AGBL4: variants seen among roughly 807,000 people sequenced by gnomAD.
AGBL4 encodes cytosolic carboxypeptidase 6.
A neutral mutation model predicts 66.4 loss-of-function variants in AGBL4; 58 were observed. The observed-to-expected ratio is 0.87, with a 90% confidence interval of 0.71 to 1.09. The LOEUF is 1.09. Ranked by LOEUF, AGBL4 falls within the 50% of genes least tolerant of loss-of-function variation. AGBL4 has a pLI of 0.00. For synonymous variants in AGBL4, 234 were observed against 222.9 expected (o/e 1.05, Z -0.44); for missense variants, 579 against 631.0 (o/e 0.92, Z 0.88).
chr1:49,688,906 A>T (rs1313643085), intron 3 of AGBL4, among the ~76,000 whole-genome samples: 1 of 152,052 alleles, frequency 6.6e-6, no homozygotes, highest in Non-Finnish European at 1.5e-5. Flanking sequence ...ACTTTTGCCC[A>T]TTTTTAAATC....
At chr1:50,019,296 T>C (rs1404971766) in intron 1 of AGBL4, among the ~76,000 whole-genome samples, 2 of 92,700 alleles carry the variant, frequency 2.2e-5, no homozygotes, top group African/African-American at 7.1e-5. Context: ...TCTCTCTCTC[T>C]CTCTCTCTCT....
At chr1:49,707,362 C>G (rs78435169) in intron 2 of AGBL4, among the ~76,000 whole-genome samples, 1 of 142,972 alleles carries the variant, frequency 7.0e-6, no homozygotes, top group Non-Finnish European at 1.5e-5. Context: ...GGATTGCAAC[C>G]CCTGCTTTTT....
intron 6 of AGBL4, among the ~76,000 whole-genome samples, chr1:48,801,799 A>G (rs1167238747): frequency 6.6e-6 from 1 of 151,994 alleles, no homozygotes; most frequent in Non-Finnish European, 1.5e-5. Context: ...TGGTTCTTGG[A>G]GCAAAAGTTC....
intron 3 of AGBL4, among the ~76,000 whole-genome samples, chr1:49,607,628 T>C (rs1162166059): frequency 6.6e-6 from 1 of 152,134 alleles, no homozygotes; most frequent in Admixed American, 6.6e-5. Flanking sequence ...TTAATTACAG[T>C]CTGCCTTTAA....
At chr1:49,351,262 A>C (rs919939015) in intron 3 of AGBL4, among the ~76,000 whole-genome samples, 1 of 152,176 alleles carries the variant, frequency 6.6e-6, no homozygotes, top group Non-Finnish European at 1.5e-5. Context: ...TTAGTAACTT[A>C]GAACCCAGGT....
At chr1:49,668,077 T>C (rs1451428972) in intron 3 of AGBL4, among the ~76,000 whole-genome samples, 1 of 152,202 alleles carries the variant, frequency 6.6e-6, no homozygotes, top group Non-Finnish European at 1.5e-5. Context: ...GGTTATTATC[T>C]ATTAGTTTAT....
At chr1:49,423,383 C>T (rs1645586846) in intron 3 of AGBL4, among the ~76,000 whole-genome samples, 1 of 152,146 alleles carries the variant, frequency 6.6e-6, no homozygotes, top group African/African-American at 2.4e-5. Context: ...TGTAAGTTAA[C>T]TGGAAATAGC....
chr1:49,104,009 A>G (rs1331473995), intron 4 of AGBL4, among the ~76,000 whole-genome samples: 2 of 152,132 alleles, frequency 1.3e-5, no homozygotes, highest in Non-Finnish European at 2.9e-5. Flanking sequence ...CCACCGACTC[A>G]TGTTCAGCCT....
chr1:48,536,433 G>T (rs1643971843), intron 12 of AGBL4, among the ~76,000 whole-genome samples: 1 of 152,204 alleles, frequency 6.6e-6, no homozygotes, highest in Non-Finnish European at 1.5e-5. Flanking sequence ...GGGAGCCATA[G>T]AAGGTTTTTG....
At chr1:49,617,908 G>T (rs1048950258) in intron 3 of AGBL4, among the ~76,000 whole-genome samples, 1 of 152,140 alleles carries the variant, frequency 6.6e-6, no homozygotes, top group African/African-American at 2.4e-5. Flanking sequence ...AGAACATGCA[G>T]GTTTGTTACA....
At chr1:49,128,902 G>T (rs997506638) in intron 4 of AGBL4, among the ~76,000 whole-genome samples, 1 of 151,188 alleles carries the variant, frequency 6.6e-6, no homozygotes, top group African/African-American at 2.4e-5. Context: ...TCTGATTTTT[G>T]AAAAAAATTC....
At chr1:49,022,771 T>C (rs1307691988) in intron 5 of AGBL4, among the ~76,000 whole-genome samples, 1 of 152,166 alleles carries the variant, frequency 6.6e-6, no homozygotes, top group Non-Finnish European at 1.5e-5. Context: ...GAGAAATAGG[T>C]ATTAATAAGG....
At chr1:49,224,570 T>C (rs1649750944) in intron 4 of AGBL4, among the ~76,000 whole-genome samples, 1 of 149,490 alleles carries the variant, frequency 6.7e-6, no homozygotes, top group Admixed American at 6.7e-5. Context: ...TGAGCCCAGA[T>C]TGCGCCACTG....
chr1:48,979,647 G>A (rs1349917910), intron 5 of AGBL4, among the ~76,000 whole-genome samples: 1 of 151,850 alleles, frequency 6.6e-6, no homozygotes, highest in African/African-American at 2.4e-5. Context: ...TTTAATTTGG[G>A]GGGAACTTCA....
chr1:49,652,208 CA>C (rs1200239935), intron 3 of AGBL4, among the ~76,000 whole-genome samples: 1 of 152,018 alleles, frequency 6.6e-6, no homozygotes, highest in African/African-American at 2.4e-5. Context: ...GGAAAATTAC[CA>C]AACCTAATGA....
At chr1:48,621,712 T>A (rs1645416281) in intron 9 of AGBL4, among the ~76,000 whole-genome samples, 1 of 152,182 alleles carries the variant, frequency 6.6e-6, no homozygotes, top group African/African-American at 2.4e-5. Flanking sequence ...TATAAAACTC[T>A]TCATAAACAT....
intron 4 of AGBL4, among the ~76,000 whole-genome samples, chr1:49,072,958 T>A (rs531262209): frequency 6.6e-5 from 10 of 152,330 alleles, no homozygotes; most frequent in South Asian, 2.1e-4. Flanking sequence ...CTCTTTTTTT[T>A]ATCTAATCTT....
chr1:49,254,306 C>G (rs1652304346), intron 3 of AGBL4, among the ~76,000 whole-genome samples: 1 of 152,128 alleles, frequency 6.6e-6, no homozygotes, highest in African/African-American at 2.4e-5. Context: ...TAATAAACAA[C>G]TCCAGTAAAG....
chr1:49,381,322 C>A (rs1019794090), intron 3 of AGBL4, among the ~76,000 whole-genome samples: 1 of 152,126 alleles, frequency 6.6e-6, no homozygotes, highest in Admixed American at 6.6e-5. Context: ...GTTAGAATGG[C>A]GATCACTAAA....
Sources: gnomAD v4.1 joint callset for allele counts (sites outside exome capture counted in the v4.1 genomes callset) on GRCh38, gnomAD v4.1.1 for gene constraint, MANE v1.5 for transcripts, NCBI Gene and HGNC (gene_info 2026-07-23, HGNC 2026-07-21) for gene names.